Variants in PTPRR observed in about 807,000 individuals in gnomAD.
PTPRR encodes the protein protein tyrosine phosphatase receptor type R.
In PTPRR, 38 loss-of-function variants were observed where a neutral mutation model predicts 77.2. The observed-to-expected ratio is 0.49, with a 90% CI of 0.38 to 0.65. The LOEUF (loss-of-function observed/expected upper bound fraction) is 0.65. Ranked by LOEUF, PTPRR falls within the 30% of genes least tolerant of loss-of-function variation. PTPRR has a pLI of 0.00. For missense variants in PTPRR, 744 were observed against 799.2 expected (o/e 0.93, Z 0.83); for synonymous variants, 299 against 283.1 (o/e 1.06, Z -0.57).
At chr12:70,697,019 T>C (rs1382619996) in intron 8 of PTPRR, among the ~76,000 whole-genome samples, 1 of 152,196 alleles carries the variant, frequency 6.6e-6, no homozygotes, top group Non-Finnish European at 1.5e-5. Context: ...CTTTGGCTAT[T>C]ATGAATAATG....
chr12:70,897,029 T>G (rs1185379286), intron 1 of PTPRR, among the ~76,000 whole-genome samples: 1 of 151,886 alleles, frequency 6.6e-6, no homozygotes, highest in African/African-American at 2.4e-5. Context: ...GTAGTATAGT[T>G]TGAAGTCAGG....
intron 6 of PTPRR, among the ~76,000 whole-genome samples, chr12:70,708,644 C>A (rs1888705528): frequency 6.6e-6 from 1 of 151,420 alleles, no homozygotes; most frequent in Admixed American, 6.6e-5. Context: ...AACAAAATAA[C>A]AAAATGATAG....
chr12:70,728,872 AG>A (rs1889550949), intron 6 of PTPRR, among the ~76,000 whole-genome samples: 1 of 152,096 alleles, frequency 6.6e-6, no homozygotes. Context: ...ATAGGAACCC[AG>A]TATAATAGAG....
intron 6 of PTPRR, among the ~76,000 whole-genome samples, chr12:70,726,462 G>A (rs1889439944): frequency 6.6e-6 from 1 of 152,064 alleles, no homozygotes; most frequent in African/African-American, 2.4e-5. Flanking sequence ...AATAATGATA[G>A]GGTAGTTTTG....
rs189156010 is a variant in PTPRR, at chr12:70,652,527, C to A, written c.1880+4177G>T. On this transcript the variant is annotated intron_variant, in intron 13 of 13. Transcript: ENST00000283228. Reference sequence around the variant, plus strand: ...CAGAAACAGCTGCTCAGAAAGAATGCAGAAAGGGTCTTGATGAAGAAATCA... The same window carrying A: ...CAGAAACAGCTGCTCAGAAAGAATGAAGAAAGGGTCTTGATGAAGAAATCA... Among the ~76,000 whole-genome samples, 3 of 152,246 alleles carry A rather than the reference C, an allele frequency of 2.0e-5. No homozygotes were observed. In the East Asian group the frequency reaches 5.8e-4, roughly 30 times the overall value.
intron 6 of PTPRR, among the ~76,000 whole-genome samples, chr12:70,713,678 T>C (rs1328730895): frequency 1.3e-5 from 2 of 152,140 alleles, no homozygotes; most frequent in Non-Finnish European, 2.9e-5. Context: ...TTTGGCTTAC[T>C]GGACATTTAT....
chr12:70,649,530 T>G (rs1886318649), intron 13 of PTPRR, among the ~76,000 whole-genome samples: 1 of 152,166 alleles, frequency 6.6e-6, no homozygotes, highest in Non-Finnish European at 1.5e-5. Context: ...GTCTTTTCTC[T>G]CTCTTATTAC....
At chr12:70,655,771 T>C (rs1177710057) in intron 13 of PTPRR, among the ~76,000 whole-genome samples, 3 of 152,226 alleles carry the variant, frequency 2.0e-5, no homozygotes, top group Non-Finnish European at 4.4e-5. Context: ...TAATGGATAC[T>C]GAGTTTTTCA....
intron 2 of PTPRR, among the ~76,000 whole-genome samples, chr12:70,877,600 G>A (rs976265686): frequency 3.3e-5 from 5 of 152,110 alleles, no homozygotes; most frequent in African/African-American, 1.2e-4. Context: ...AATAAAAGAG[G>A]ATACAAACAA....
At chr12:70,915,109 A>G (rs4405406) in intron 1 of PTPRR, among the ~76,000 whole-genome samples, 94,035 of 152,076 alleles carry the variant, frequency 0.62, 31,353 homozygotes, top group African/African-American at 0.89. Flanking sequence ...TGGCTGGAGA[A>G]ATAAGAGGGA....
chr12:70,775,634 A>G (rs1891070876), intron 2 of PTPRR, among the ~76,000 whole-genome samples: 1 of 152,170 alleles, frequency 6.6e-6, no homozygotes, highest in African/African-American at 2.4e-5. Flanking sequence ...GCAAAGGACA[A>G]ATGTCCATCT....
intron 2 of PTPRR, among the ~76,000 whole-genome samples, chr12:70,822,676 G>T (rs1308084991): frequency 6.6e-6 from 1 of 152,104 alleles, no homozygotes; most frequent in African/African-American, 2.4e-5. Context: ...TGAATGCAGA[G>T]GAAGGAAATT....
intron 13 of PTPRR, among the ~76,000 whole-genome samples, chr12:70,641,274 A>AC (rs1885987966): frequency 6.6e-6 from 1 of 152,160 alleles, no homozygotes. Context: ...CAGTATGTGG[A>AC]AGCTTCTATG....
intron 2 of PTPRR, among the ~76,000 whole-genome samples, chr12:70,787,513 G>T (rs1231881322): frequency 1.3e-5 from 2 of 152,126 alleles, no homozygotes. Context: ...AAACAGGTTA[G>T]TCCTCCTCAT....
chr12:70,747,239 A>G (rs1890242341), intron 5 of PTPRR, among the ~76,000 whole-genome samples: 1 of 152,206 alleles, frequency 6.6e-6, no homozygotes, highest in African/African-American at 2.4e-5. Context: ...AACAGTATCA[A>G]TCAGATGATA....
chr12:70,713,435 A>G (rs1888904135), intron 6 of PTPRR, among the ~76,000 whole-genome samples: 1 of 152,194 alleles, frequency 6.6e-6, no homozygotes. Context: ...TCTGGGTTAT[A>G]TGGTAACTAC....
At chr12:70,799,969 G>T (rs1301072343) in intron 2 of PTPRR, among the ~76,000 whole-genome samples, 1 of 152,060 alleles carries the variant, frequency 6.6e-6, no homozygotes, top group Non-Finnish European at 1.5e-5. Context: ...CAAAGATATG[G>T]TTAAAATACA....
intron 5 of PTPRR, 73 bp downstream of exon 5, chr12:70,754,118 G>T: frequency 7.3e-7 from 1 of 1,372,068 alleles, no homozygotes; most frequent in Non-Finnish European, 1.0e-6. Context: ...ACATTCATTT[G>T]AATGGCAATG....
intron 10 of PTPRR, among the ~76,000 whole-genome samples, chr12:70,674,108 A>G (rs934786210): frequency 1.3e-5 from 2 of 151,808 alleles, no homozygotes; most frequent in African/African-American, 4.8e-5. Flanking sequence ...TAATTTTTAA[A>G]TTTTTTGTTG....
Sources: gnomAD v4.1 joint callset for allele counts (sites outside exome capture counted in the v4.1 genomes callset) on GRCh38, gnomAD v4.1.1 for gene constraint, MANE v1.5 for transcripts, NCBI Gene and HGNC (gene_info 2026-07-23, HGNC 2026-07-21) for gene names.